The following EGFLAM variants were observed in gnomAD, a reference collection of about 807,000 sequenced individuals.
EGFLAM encodes EGF like, fibronectin type III and laminin G domains.
In EGFLAM, 79 loss-of-function variants were observed where a neutral mutation model predicts 113.1. That is an observed-to-expected ratio of 0.70 (90% CI 0.58 to 0.84). The LOEUF is 0.84. EGFLAM is among the 40% of genes least tolerant of loss of function. The probability of loss-of-function intolerance (pLI) is 0.00; values close to 1 mark genes in which losing one functional copy is unlikely to be tolerated. For missense variants in EGFLAM, 1,265 were observed against 1,291.6 expected, an observed-to-expected ratio of 0.98 and a Z score of 0.32; for synonymous variants, 504 against 487.6, an observed-to-expected ratio of 1.03 and a Z score of -0.44.
In EGFLAM at chr5:38,412,600, C is replaced by A; in HGVS notation, c.1446C>A (p.Asn482Lys). The A allele has an allele frequency of 6.2e-7, 1 of 1,614,068 alleles. No individual in the cohort carries two copies. Among genetic ancestry groups the A allele is most frequent in the South Asian group, 1.1e-5 (1 of 91,076 alleles). The change falls in exon 11 of 22, where the codon AAC becomes AAA. Residue 482 changes from asparagine (N) to lysine (K), a missense_variant. Coordinates refer to ENST00000322350, the MANE Select transcript of EGFLAM (RefSeq NM_152403.4). ...HTVMLYRDGL[N>K]GLLQLNNGTP... ...TTATGCTCTACAGAGATGGGCTGAA[C>A]GGGCTGCTGCAGCTGAACAATGGCA...
rs181627669 is a variant in EGFLAM, at chr5:38,326,328, G to A, written c.98-11192G>A. ...CATTTTGAAAAATCCTGTTCTAGCT[G>A]ATGAGCAGCAACCGAAGTAGAGAGG... On this transcript the variant is annotated intron_variant, in intron 1 of 21. Coordinates refer to ENST00000322350, the MANE Select transcript of EGFLAM (RefSeq NM_152403.4). Among the ~76,000 whole-genome samples the A allele has an allele frequency of 4.6e-5, 7 of 152,328 alleles. No individual in the cohort carries two copies. The East Asian group carries it at 9.6e-4, about 21-fold the overall frequency.
In EGFLAM at chr5:38,265,343, C is replaced by A. The variant is rs866382903; in HGVS notation, c.97+6492C>A. 8.8e-4 allele frequency among the ~76,000 whole-genome samples: 134 copies of A among 152,306 alleles called. 1 individual carries two copies. The highest frequency in any genetic ancestry group is 1.0e-3 in the Admixed American group (16 of 15,298). Reference sequence around the variant, plus strand: ...CTTGCCCAGGGCTATCCTGTGGCTACCTCGTGTTCTCCTGCCTCACACCCT... The same window carrying A: ...CTTGCCCAGGGCTATCCTGTGGCTAACTCGTGTTCTCCTGCCTCACACCCT... On this transcript the variant is annotated intron_variant, in intron 1 of 21. Coordinates refer to ENST00000322350, the MANE Select transcript of EGFLAM (RefSeq NM_152403.4).
At chr5:38,414,199 T>G (rs1338968712) in intron 11 of EGFLAM, among the ~76,000 whole-genome samples, 1 of 152,206 alleles carries the variant, frequency 6.6e-6, no homozygotes, top group Non-Finnish European at 1.5e-5. Context: ...GAATTCAAAT[T>G]TAGTAAATGT....
At chr5:38,411,657 A>G (rs1331364963) in intron 10 of EGFLAM, among the ~76,000 whole-genome samples, 1 of 150,420 alleles carries the variant, frequency 6.6e-6, no homozygotes, top group African/African-American at 2.4e-5. Flanking sequence ...TAACTTTTGT[A>G]TTTTTAGTAG....
At chr5:38,297,607 G>A (rs971344500) in intron 1 of EGFLAM, among the ~76,000 whole-genome samples, 8 of 152,178 alleles carry the variant, frequency 5.3e-5, no homozygotes, top group South Asian at 2.1e-4. Context: ...CATCTGAAAT[G>A]GAAAGAAGCT....
At position 38,277,665 on chromosome 5, in the gene EGFLAM, G is replaced by C. The variant is rs180922215; in HGVS notation, c.97+18814G>C. Among the ~76,000 whole-genome samples the C allele has an allele frequency of 5.9e-5, 9 of 152,252 alleles. No individual in the cohort carries two copies. The East Asian group carries it at 9.6e-4, about 16-fold the overall frequency. On this transcript the variant is annotated intron_variant, in intron 1 of 21. Coordinates refer to ENST00000322350, the MANE Select transcript of EGFLAM (RefSeq NM_152403.4). The stretch of plus-strand genomic sequence containing the variant: ...GATCTTATGTATAGAGAAGACCGTA[G>C]ATGCCACTAAAAAACTGTTAGAACT...
chr5:38,450,042 A>T (rs1742861178), intron 18 of EGFLAM, among the ~76,000 whole-genome samples: 1 of 152,186 alleles, frequency 6.6e-6, no homozygotes, highest in South Asian at 2.1e-4. Context: ...TTTTTTTCTC[A>T]TATGACTCTT....
chr5:38,410,102 G>A (rs1362722722), intron 10 of EGFLAM, among the ~76,000 whole-genome samples: 2 of 152,158 alleles, frequency 1.3e-5, no homozygotes, highest in African/African-American at 2.4e-5. Context: ...TCATAAAAGC[G>A]CTTAGAGCAG....
chr5:38,364,236 T>G (rs929264338), intron 5 of EGFLAM, among the ~76,000 whole-genome samples: 3 of 152,202 alleles, frequency 2.0e-5, no homozygotes, highest in African/African-American at 7.2e-5. Context: ...GACAGTCTAC[T>G]GGGGAATGCA....
At chr5:38,293,173 ACTTT>A (rs767662961) in intron 1 of EGFLAM, among the ~76,000 whole-genome samples, 2 of 152,188 alleles carry the variant, frequency 1.3e-5, no homozygotes, top group African/African-American at 2.4e-5. Flanking sequence ...AAGACCCTTG[ACTTT>A]CTAATCTGGG....
chr5:38,303,780 G>A (rs1758654320), intron 1 of EGFLAM, among the ~76,000 whole-genome samples: 1 of 152,126 alleles, frequency 6.6e-6, no homozygotes, highest in African/African-American at 2.4e-5. Flanking sequence ...AATGGTAACA[G>A]TCACAAAATT....
intron 1 of EGFLAM, among the ~76,000 whole-genome samples, chr5:38,261,868 G>A (rs1757508654): frequency 6.6e-6 from 1 of 152,140 alleles, no homozygotes; most frequent in Non-Finnish European, 1.5e-5. Context: ...TTGAACTCCT[G>A]GGGATTAAGG....
At chr5:38,361,606 G>A (rs1231358794) in intron 5 of EGFLAM, among the ~76,000 whole-genome samples, 1 of 151,172 alleles carries the variant, frequency 6.6e-6, no homozygotes, top group Non-Finnish European at 1.5e-5. Context: ...ACACACTAAC[G>A]ATAGCTGATG....
chr5:38,333,357 G>A (rs1007339530), intron 1 of EGFLAM, among the ~76,000 whole-genome samples: 6 of 152,168 alleles, frequency 3.9e-5, no homozygotes, highest in African/African-American at 1.4e-4. Flanking sequence ...TCTGCTTTTA[G>A]CTCTTCGAGG....
intron 6 of EGFLAM, among the ~76,000 whole-genome samples, chr5:38,382,816 C>T (rs777417823): frequency 6.6e-6 from 1 of 152,190 alleles, no homozygotes; most frequent in Non-Finnish European, 1.5e-5. Context: ...AGCCAAGAGG[C>T]CTGTCTTAGA....
Position 38,372,089 on chromosome 5 carries a change from A to G in EGFLAM, c.712+1627A>G, listed in dbSNP as rs193141895. Among the ~76,000 whole-genome samples, 75 of 152,018 alleles carry G rather than the reference A, an allele frequency of 4.9e-4. 2 individuals are homozygous for G. The highest frequency in any genetic ancestry group is 4.6e-3 in the Admixed American group (71 of 15,280). On this transcript the variant is annotated intron_variant, in intron 6 of 21. Transcript: ENST00000322350. The stretch of plus-strand genomic sequence containing the variant: ...AGCACATGCTGATTTAGATGTGCGC[A>G]TAGAGACTGGAGTCAGGGAAGGATG...
intron 12 of EGFLAM, 28 bp downstream of exon 12, chr5:38,418,283 A>T (rs781751169): frequency 6.2e-7 from 1 of 1,610,512 alleles, no homozygotes. Flanking sequence ...GGGTTGGGGT[A>T]CTCTTATGGG....
intron 1 of EGFLAM, among the ~76,000 whole-genome samples, chr5:38,273,133 A>G (rs1757805491): frequency 6.6e-6 from 1 of 152,166 alleles, no homozygotes; most frequent in Non-Finnish European, 1.5e-5. Flanking sequence ...TACATTACCC[A>G]TGTCACCCCT....
intron 1 of EGFLAM, chr5:38,285,905 G>C (rs929418756): frequency 6.6e-6 from 1 of 152,060 alleles, no homozygotes; most frequent in Non-Finnish European, 1.5e-5. Flanking sequence ...CAACTTGTGG[G>C]AATTACAATT....
Sources: allele counts gnomAD v4.1 joint callset (sites outside exome capture counted in the v4.1 genomes callset), GRCh38; gene constraint gnomAD v4.1.1; transcripts MANE v1.5; gene names NCBI Gene and HGNC (gene_info 2026-07-23, HGNC 2026-07-21).